The following HTR2C variants were observed in gnomAD, a reference collection of about 807,000 sequenced individuals.
HTR2C encodes the protein 5-hydroxytryptamine receptor 2C.
In HTR2C, 5 loss-of-function variants were observed where a neutral mutation model predicts 21.0. The ratio of observed to expected loss-of-function variants is 0.24; its 90% CI spans 0.12 to 0.50. The LOEUF is 0.50. HTR2C is among the 20% of genes least tolerant of loss of function. The probability of loss-of-function intolerance (pLI) is 0.98; values close to 1 mark genes in which losing one functional copy is unlikely to be tolerated. For synonymous variants in HTR2C, 150 were observed against 145.3 expected (o/e 1.03, Z -0.23); for missense variants, 271 against 371.2 (o/e 0.73, Z 2.22).
chrX:114,787,290 A>T (rs1276471652), intron 4 of HTR2C, among the ~76,000 whole-genome samples: 1 of 112,205 alleles, frequency 8.9e-6, no homozygotes, highest in Non-Finnish European at 1.9e-5. Context: ...TACACATTGC[A>T]TCAGTTTGCA....
At chrX:114,743,899 A>T (rs1556425697) in intron 4 of HTR2C, among the ~76,000 whole-genome samples, 2 of 112,005 alleles carry the variant, frequency 1.8e-5, no homozygotes, top group African/African-American at 6.5e-5. Context: ...TAAAATAATT[A>T]AGTTGAGTTA....
At chrX:114,873,070 C>T (rs1271752135) in intron 5 of HTR2C, among the ~76,000 whole-genome samples, 1 of 111,700 alleles carries the variant, frequency 9.0e-6, no homozygotes, top group East Asian at 2.8e-4. Flanking sequence ...TTGTGTACCT[C>T]CAGTGATATG....
At chrX:114,749,860 A>G (rs1217431476) in intron 4 of HTR2C, among the ~76,000 whole-genome samples, 1 of 112,297 alleles carries the variant, frequency 8.9e-6, no homozygotes, top group East Asian at 2.8e-4. Flanking sequence ...GCCCCTTACC[A>G]TTACATGATA....
chrX:114,649,684 C>T (rs1343847465), intron 2 of HTR2C, among the ~76,000 whole-genome samples: 1 of 110,753 alleles, frequency 9.0e-6, no homozygotes, highest in Non-Finnish European at 1.9e-5. Context: ...GGCGTGATCT[C>T]GGCTCTCTGC....
intron 4 of HTR2C, among the ~76,000 whole-genome samples, chrX:114,845,821 G>A (rs1556467203): frequency 9.2e-6 from 1 of 108,217 alleles, no homozygotes. Flanking sequence ...AGCAGCCTAG[G>A]CAACATGGTG....
chrX:114,866,801 G>T (rs188624372), intron 5 of HTR2C, among the ~76,000 whole-genome samples: 1 of 111,429 alleles, frequency 9.0e-6, no homozygotes, highest in Admixed American at 9.6e-5. Context: ...ATGATCTCCA[G>T]TTCCATCCAT....
intron 2 of HTR2C, among the ~76,000 whole-genome samples, chrX:114,706,887 C>T (rs782079781): frequency 8.2e-5 from 9 of 110,310 alleles, no homozygotes; most frequent in Admixed American, 5.8e-4. Flanking sequence ...AAGTAGTAAC[C>T]AACAATTACA....
intron 4 of HTR2C, chrX:114,775,972 A>C (rs2070052822): frequency 2.6e-6 from 1 of 383,100 alleles, no homozygotes; most frequent in African/African-American, 2.5e-5. Flanking sequence ...GAGTATGCTT[A>C]GTGTGTTCAC....
chrX:114,812,750 AAAC>A (rs1184010957), intron 4 of HTR2C, among the ~76,000 whole-genome samples: 679 of 24,217 alleles, frequency 0.028, 3 homozygotes, highest in East Asian at 0.1. Context: ...ACAAACAAAC[AAAC>A]AAAAAAAAAA....
rs782483939 is a variant in HTR2C at position 114,704,860 on chromosome X, C to G, written c.-79-21998C>G. On this transcript the variant is annotated intron_variant, in intron 2 of 5. Coordinates refer to ENST00000276198, the MANE Select transcript of HTR2C (RefSeq NM_000868.4). ...AGCTGATAAGCAACTTCAGCAAAGT[C>G]TCAGGATACAAAATCAATGTGCAAA... 2.7e-3 allele frequency among the ~76,000 whole-genome samples: 288 copies of G among 106,740 alleles called. 1 individual carries two copies. Among genetic ancestry groups the G allele is most frequent in the African/African-American group, 9.1e-3 (271 of 29,745 alleles). The allele number at this position is 106,740 out of a possible 115,157, so 92.7% of individuals were successfully genotyped here.
At chrX:114,894,956 T>C (rs1556483732) in intron 5 of HTR2C, among the ~76,000 whole-genome samples, 1 of 111,202 alleles carries the variant, frequency 9.0e-6, no homozygotes, top group African/African-American at 3.3e-5. Flanking sequence ...TGACCTCAAG[T>C]GGTCCACTCG....
chrX:114,801,727 A>G (rs1602802014), intron 4 of HTR2C, among the ~76,000 whole-genome samples: 1 of 111,080 alleles, frequency 9.0e-6, no homozygotes, highest in African/African-American at 3.3e-5. Flanking sequence ...TGTACATGAG[A>G]TCTTTTGATA....
chrX:114,586,187 G>A (rs1332225619), intron 1 of HTR2C, among the ~76,000 whole-genome samples: 3 of 111,337 alleles, frequency 2.7e-5, no homozygotes, highest in Non-Finnish European at 3.8e-5. Context: ...GATATCTACC[G>A]TGATCATTGC....
chrX:114,613,609 G>A (rs1420459426), intron 1 of HTR2C, among the ~76,000 whole-genome samples: 2 of 111,539 alleles, frequency 1.8e-5, no homozygotes, highest in Non-Finnish European at 3.8e-5. Flanking sequence ...GAGTTGCTCT[G>A]GTTCAAACGC....
chrX:114,758,139 T>C, intron 4 of HTR2C, among the ~76,000 whole-genome samples: 1 of 112,196 alleles, frequency 8.9e-6, no homozygotes, highest in East Asian at 2.8e-4. Flanking sequence ...AATTGAATAT[T>C]ATCACATTTA....
At chrX:114,657,414 C>T (rs1464312956) in intron 2 of HTR2C, among the ~76,000 whole-genome samples, 1 of 110,817 alleles carries the variant, frequency 9.0e-6, no homozygotes, top group Non-Finnish European at 1.9e-5. Flanking sequence ...ATGGAACCCA[C>T]AATAATAATA....
rs946146775 is a variant in HTR2C, at chrX:114,713,572, C to A, written c.-79-13286C>A. On this transcript the variant is annotated intron_variant, in intron 2 of 5. Coordinates refer to ENST00000276198, the MANE Select transcript of HTR2C (RefSeq NM_000868.4). ...CGTGACTGAATTCTATATATAGAAT[C>A]TTTCAGTGAGAAGTAAAAACAGATG... Among the ~76,000 whole-genome samples the A allele has an allele frequency of 4.5e-5, 5 of 111,308 alleles. No individual in the cohort carries two copies. In the East Asian group the frequency reaches 1.4e-3, roughly 31 times the overall value.
chrX:114,624,844 C>G (rs1163511024), intron 2 of HTR2C, among the ~76,000 whole-genome samples: 2 of 110,602 alleles, frequency 1.8e-5, no homozygotes, highest in South Asian at 7.7e-4. Flanking sequence ...AAAGCTAGCT[C>G]GGGGAAAGAA....
chrX:114,604,117 G>A (rs1279741520), intron 1 of HTR2C, among the ~76,000 whole-genome samples: 1 of 108,387 alleles, frequency 9.2e-6, no homozygotes, highest in Admixed American at 1.0e-4. Flanking sequence ...TCGCCAAGGA[G>A]GGAGTAGAGG....
Sources: gnomAD v4.1 joint callset for allele counts (sites outside exome capture counted in the v4.1 genomes callset) on GRCh38, gnomAD v4.1.1 for gene constraint, MANE v1.5 for transcripts, NCBI Gene and HGNC (gene_info 2026-07-23, HGNC 2026-07-21) for gene names.